The following STAU2 variants were observed in gnomAD, a reference collection of about 807,000 sequenced individuals.
STAU2 encodes staufen double-stranded RNA binding protein 2, also known as double-stranded RNA-binding protein Staufen homolog 2.
Under a neutral mutation model 65.9 loss-of-function variants are expected in STAU2, and 20 were observed. The observed-to-expected ratio is 0.30, with a 90% CI of 0.21 to 0.44. STAU2 has a LOEUF of 0.44. STAU2 is among the 20% of genes least tolerant of loss of function. STAU2 has a pLI of 1.00. For synonymous variants in STAU2, 232 were observed against 233.9 expected, an observed-to-expected ratio of 0.99 and a Z score of 0.07; for missense variants, 558 against 683.9, an observed-to-expected ratio of 0.82 and a Z score of 2.05.
rs535246067 is a variant in STAU2, at chr8:73,708,897, T to G, written c.114+135A>C. ...TAGTTTAGTTACATACTTTGAAATA[T>G]TATTAATGTAGAACTAAAAGCCTTC... On this transcript the variant is annotated intron_variant, in intron 4 of 14. Transcript: ENST00000524300. 2.3e-5 allele frequency: 17 copies of G among 733,332 alleles called. No homozygotes were observed. The South Asian group carries it at 7.8e-4, about 34-fold the overall frequency. 45.4% of individuals were successfully genotyped at this position (733,332 alleles called of 1,614,324 possible). A position where few individuals can be genotyped will look rare whatever the true frequency, so the allele number is the denominator to read the frequency against.
chr8:73,691,085 T>A (rs1490902932), intron 4 of STAU2, among the ~76,000 whole-genome samples: 2 of 152,278 alleles, frequency 1.3e-5, no homozygotes, highest in Middle Eastern at 3.4e-3. Flanking sequence ...CCTGATTGCA[T>A]CAGGAAAGCA....
intron 6 of STAU2, among the ~76,000 whole-genome samples, chr8:73,628,402 A>T (rs117729488): frequency 0.016 from 2,434 of 152,274 alleles, 28 homozygotes; most frequent in Non-Finnish European, 0.024. Flanking sequence ...TATTCACTAA[A>T]TACTGCATGC....
intron 9 of STAU2, among the ~76,000 whole-genome samples, chr8:73,605,164 T>G (rs148099326): frequency 6.7e-6 from 1 of 149,544 alleles, no homozygotes; most frequent in Non-Finnish European, 1.5e-5. Flanking sequence ...ATAATATATA[T>G]ATAGTATATT....
intron 13 of STAU2, among the ~76,000 whole-genome samples, chr8:73,512,997 A>C (rs1201804754): frequency 6.6e-6 from 1 of 152,190 alleles, no homozygotes; most frequent in Non-Finnish European, 1.5e-5. Flanking sequence ...CTGTCTGCAT[A>C]GTACATCTGA....
At chr8:73,455,765 A>AT (rs956766163) in intron 13 of STAU2, among the ~76,000 whole-genome samples, 2 of 151,660 alleles carry the variant, frequency 1.3e-5, no homozygotes, top group Non-Finnish European at 2.9e-5. Flanking sequence ...AGTTTTTTTT[A>AT]TTTTTTTATC....
rs1196178055 is a variant in STAU2 at position 73,421,439 on chromosome 8, G to A, written c.1646C>T (p.Ala549Val). ...EKQAKHLREK[A>V]DNNQAPPGSI... ...GCCCGGGGGTGCCTGGTTATTGTCCGCTTTCTCTCTCAGATGCTTGGCTTG... is the reference window on the plus strand; with the variant it reads ...GCCCGGGGGTGCCTGGTTATTGTCCACTTTCTCTCTCAGATGCTTGGCTTG... Residue 549 changes from alanine to valine, a missense_variant, in exon 15 of 15, where the codon GCG becomes GTG. Transcript: ENST00000524300. The A allele has an allele frequency of 1.9e-5, 29 of 1,537,210 alleles. No homozygotes were observed. Among genetic ancestry groups the A allele is most frequent in the Non-Finnish European group, 2.2e-5 (25 of 1,146,904 alleles).
At chr8:73,438,863 C>T (rs191871924) in intron 13 of STAU2, 13 of 433,622 alleles carry the variant, frequency 3.0e-5, no homozygotes, top group African/African-American at 1.2e-4. Flanking sequence ...AGAGAGGTGG[C>T]GTTCAGAACT....
At chr8:73,734,233 G>GTTTTT (rs11370206) in intron 3 of STAU2, among the ~76,000 whole-genome samples, 3 of 131,584 alleles carry the variant, frequency 2.3e-5, no homozygotes, top group Non-Finnish European at 4.8e-5. Flanking sequence ...TTCAGGGTTT[G>GTTTTT]TTTTTTTTTT....
intron 13 of STAU2, among the ~76,000 whole-genome samples, chr8:73,497,900 T>A (rs537429822): frequency 6.6e-6 from 1 of 151,848 alleles, no homozygotes; most frequent in African/African-American, 2.4e-5. Flanking sequence ...TCACATGCTT[T>A]GTCAAAATAC....
intron 5 of STAU2, among the ~76,000 whole-genome samples, chr8:73,681,118 C>T (rs1453342655): frequency 6.6e-6 from 1 of 151,900 alleles, no homozygotes; most frequent in Non-Finnish European, 1.5e-5. Flanking sequence ...CAAGGAACAC[C>T]CAGGGAATTC....
intron 8 of STAU2, 86 bp downstream of exon 8, chr8:73,615,589 A>G: frequency 1.0e-6 from 1 of 952,710 alleles, no homozygotes; most frequent in Non-Finnish European, 1.7e-6. Context: ...CTCTTGCAGG[A>G]TACTAATACA....
chr8:73,480,573 A>G (rs1050164435), intron 13 of STAU2, among the ~76,000 whole-genome samples: 2 of 152,146 alleles, frequency 1.3e-5, no homozygotes, highest in African/African-American at 4.8e-5. Flanking sequence ...AAATCCCCCA[A>G]AAGTGGACAT....
At chr8:73,746,897 G>A (rs1176240570), upstream of STAU2, 7 of 783,816 alleles carry the variant, frequency 8.9e-6, no homozygotes, top group African/African-American at 7.0e-5. Context: ...CCCCGCCTCC[G>A]CCCGCCTCCG....
chr8:73,595,052 T>C, intron 11 of STAU2, 114 bp downstream of exon 11: 2 of 804,580 alleles, frequency 2.5e-6, no homozygotes, highest in Non-Finnish European at 3.8e-6. Flanking sequence ...TATCTTTGTA[T>C]TGCCTCAGAA....
intron 6 of STAU2, among the ~76,000 whole-genome samples, chr8:73,643,763 C>A (rs1303565858): frequency 6.6e-6 from 1 of 152,172 alleles, no homozygotes; most frequent in African/African-American, 2.4e-5. Flanking sequence ...TAGAAACAAA[C>A]TCTACAACAA....
chr8:73,622,819 A>G (rs1307044108), intron 6 of STAU2, among the ~76,000 whole-genome samples: 1 of 152,222 alleles, frequency 6.6e-6, no homozygotes, highest in African/African-American at 2.4e-5. Flanking sequence ...ATGACGTAAA[A>G]TCAAAGTGAA....
At chr8:73,580,126 T>C (rs181898432) in intron 12 of STAU2, among the ~76,000 whole-genome samples, 1 of 152,282 alleles carries the variant, frequency 6.6e-6, no homozygotes, top group East Asian at 1.9e-4. Flanking sequence ...ATCCAAATAA[T>C]GGGTGGCTAA....
At chr8:73,596,223 T>G (rs920434324) in intron 10 of STAU2, among the ~76,000 whole-genome samples, 53 of 152,104 alleles carry the variant, frequency 3.5e-4, no homozygotes, top group African/African-American at 1.2e-3. Flanking sequence ...AGCCTCAGGT[T>G]TTTCATCAGT....
chr8:73,548,285 AC>A (rs923593063), intron 13 of STAU2, among the ~76,000 whole-genome samples: 2 of 151,284 alleles, frequency 1.3e-5, no homozygotes, highest in African/African-American at 2.4e-5. Flanking sequence ...GCAAATAGCC[AC>A]CTTGATGATA....
Sources: allele counts gnomAD v4.1 joint callset (sites outside exome capture counted in the v4.1 genomes callset), GRCh38; gene constraint gnomAD v4.1.1; transcripts MANE v1.5; gene names NCBI Gene and HGNC (gene_info 2026-07-23, HGNC 2026-07-21).